PTPRG: variants seen among roughly 807,000 people sequenced by gnomAD.
PTPRG encodes the protein receptor-type tyrosine-protein phosphatase gamma.
A neutral mutation model predicts 165.3 loss-of-function variants in PTPRG; 102 were observed. That is an observed-to-expected ratio of 0.62 (90% CI 0.53 to 0.73). The LOEUF (loss-of-function observed/expected upper bound fraction) is 0.73. Among genes scored for constraint, PTPRG ranks in the 30% least tolerant of loss-of-function variants. The pLI is 0.00. For missense variants in PTPRG, 1,866 were observed against 1,861.4 expected (o/e 1.00, Z -0.05); for synonymous variants, 675 against 669.5 (o/e 1.01, Z -0.13).
At chr3:61,739,501 A>T (rs1216748402) in intron 1 of PTPRG, among the ~76,000 whole-genome samples, 7 of 152,188 alleles carry the variant, frequency 4.6e-5, no homozygotes, top group Admixed American at 2.6e-4. Context: ...AGATATTTTT[A>T]TGATGCCTAA....
chr3:62,284,279 C>G (rs1702557005), intron 28 of PTPRG, among the ~76,000 whole-genome samples: 1 of 152,062 alleles, frequency 6.6e-6, no homozygotes, highest in Admixed American at 6.6e-5. Context: ...GTGTTTGATT[C>G]ACTTATCTTC....
Position 62,262,866 on chromosome 3 carries a change from C to CA in PTPRG, c.2633dup (p.Asn878LysfsTer10). The CA allele has an allele frequency of 6.2e-7, 1 of 1,613,336 alleles. No individual in the cohort carries two copies. The highest frequency in any genetic ancestry group is 8.5e-7 in the Non-Finnish European group (1 of 1,179,374). On this transcript the variant is annotated frameshift_variant, in exon 17 of 30. Transcript: ENST00000474889. LOFTEE classifies it high-confidence loss of function. ...ATTCCAATCATCCAGAAAACAAGCA[C>CA]AAAAACAGATACATCAACATTTTAG...
chr3:62,216,523 C>T (rs1447116300), intron 12 of PTPRG, among the ~76,000 whole-genome samples: 2 of 151,986 alleles, frequency 1.3e-5, no homozygotes, highest in Non-Finnish European at 1.5e-5. Flanking sequence ...AACAGGACAT[C>T]CAGGTCTTTG....
chr3:62,072,490 A>G (rs1351075875), intron 4 of PTPRG, among the ~76,000 whole-genome samples: 1 of 151,516 alleles, frequency 6.6e-6, no homozygotes, highest in African/African-American at 2.4e-5. Context: ...AATGACTCTC[A>G]CTTACGACTT....
At chr3:61,744,396 A>G (rs561996115) in intron 1 of PTPRG, among the ~76,000 whole-genome samples, 1 of 152,188 alleles carries the variant, frequency 6.6e-6, no homozygotes, top group East Asian at 1.9e-4. Flanking sequence ...TAGCCAGCCC[A>G]CTGCACACCT....
intron 2 of PTPRG, among the ~76,000 whole-genome samples, chr3:61,912,701 A>G (rs1041412829): frequency 5.3e-5 from 8 of 152,290 alleles, no homozygotes; most frequent in Non-Finnish European, 1.0e-4. Flanking sequence ...ATCGGGACCA[A>G]GATTTGGGAG....
At chr3:61,600,828 A>G (rs1216853228) in intron 1 of PTPRG, among the ~76,000 whole-genome samples, 1 of 152,202 alleles carries the variant, frequency 6.6e-6, no homozygotes, top group Non-Finnish European at 1.5e-5. Flanking sequence ...GGCTTGAGCC[A>G]CTGCACCAGG....
At chr3:62,149,270 CTT>C (rs11463679) in intron 6 of PTPRG, among the ~76,000 whole-genome samples, 251 of 137,970 alleles carry the variant, frequency 1.8e-3, no homozygotes, top group African/African-American at 6.3e-3. Flanking sequence ...AGGGAGGCCT[CTT>C]TTTTTTTTTT....
chr3:61,583,143 C>T (rs190777698), intron 1 of PTPRG, among the ~76,000 whole-genome samples: 1 of 152,306 alleles, frequency 6.6e-6, no homozygotes, highest in East Asian at 1.9e-4. Flanking sequence ...TTAGGTGCTT[C>T]CTCATGGTAT....
At chr3:61,804,049 T>A (rs1354851626) in intron 2 of PTPRG, among the ~76,000 whole-genome samples, 1 of 152,208 alleles carries the variant, frequency 6.6e-6, no homozygotes, top group African/African-American at 2.4e-5. Context: ...AGGTTCGTAG[T>A]AAAGAAAAAT....
chr3:62,072,615 A>ATG (rs746425268), intron 4 of PTPRG, among the ~76,000 whole-genome samples: 2,893 of 134,624 alleles, frequency 0.021, 96 homozygotes, highest in East Asian at 0.15. Flanking sequence ...ATATATGTGT[A>ATG]TGTGTGTGTG....
intron 14 of PTPRG, among the ~76,000 whole-genome samples, chr3:62,232,256 A>G (rs1203585656): frequency 6.6e-6 from 1 of 152,234 alleles, no homozygotes; most frequent in Non-Finnish European, 1.5e-5. Context: ...GTGACAGATT[A>G]ATGAGAAAGT....
intron 1 of PTPRG, among the ~76,000 whole-genome samples, chr3:61,647,541 A>G (rs1433555885): frequency 2.6e-4 from 40 of 152,282 alleles, no homozygotes; most frequent in East Asian, 1.9e-4. Flanking sequence ...CTGTAATCCC[A>G]GCACTTTGGG....
chr3:61,886,058 C>G (rs1285067613), intron 2 of PTPRG, among the ~76,000 whole-genome samples: 2 of 151,840 alleles, frequency 1.3e-5, no homozygotes, highest in South Asian at 2.1e-4. Flanking sequence ...GAGCACCACC[C>G]CCTGACATGT....
At chr3:61,586,859 A>G (rs985820407) in intron 1 of PTPRG, among the ~76,000 whole-genome samples, 6 of 152,188 alleles carry the variant, frequency 3.9e-5, no homozygotes, top group African/African-American at 1.4e-4. Context: ...ATTCCTTATC[A>G]TTTGTAGACC....
At chr3:61,709,404 T>G (rs1007391039) in intron 1 of PTPRG, among the ~76,000 whole-genome samples, 2 of 152,158 alleles carry the variant, frequency 1.3e-5, no homozygotes, top group African/African-American at 4.8e-5. Flanking sequence ...AACGTCCACC[T>G]CCTAGATTCA....
intron 2 of PTPRG, among the ~76,000 whole-genome samples, chr3:61,832,101 A>T (rs528617157): frequency 1.1e-4 from 17 of 152,340 alleles, no homozygotes; most frequent in Admixed American, 4.6e-4. Context: ...AAATAAGTGT[A>T]ATCATGTTGT....
chr3:62,020,729 T>C (rs112598394), intron 4 of PTPRG, among the ~76,000 whole-genome samples: 5,016 of 152,204 alleles, frequency 0.033, 97 homozygotes, highest in South Asian at 0.061. Flanking sequence ...TTTGTTTGTG[T>C]TTTGAGGCAG....
At chr3:61,933,427 C>T (rs994935715) in intron 2 of PTPRG, among the ~76,000 whole-genome samples, 2 of 152,170 alleles carry the variant, frequency 1.3e-5, no homozygotes, top group Non-Finnish European at 2.9e-5. Context: ...TCAGTTTTCT[C>T]ATCTATAAAA....
Sources: allele counts gnomAD v4.1 joint callset (sites outside exome capture counted in the v4.1 genomes callset), GRCh38; gene constraint gnomAD v4.1.1; transcripts MANE v1.5; gene names NCBI Gene and HGNC (gene_info 2026-07-23, HGNC 2026-07-21).